GOLGA8B: variants seen among roughly 807,000 people sequenced by gnomAD.
GOLGA8B encodes golgin subfamily A member 8B.
GOLGA8B carries 1 observed loss-of-function variant against 15.6 expected under a neutral mutation model. The ratio of observed to expected loss-of-function variants is 0.06; its 90% confidence interval spans 0.02 to 0.30. GOLGA8B has a LOEUF of 0.30. GOLGA8B is among the 10% of genes least tolerant of loss of function. GOLGA8B has a pLI of 1.00. For missense variants in GOLGA8B, 17 were observed against 201.3 expected, an observed-to-expected ratio of 0.08 and a Z score of 5.54; for synonymous variants, 9 against 80.3, an observed-to-expected ratio of 0.11 and a Z score of 4.75.
At chr15:34,573,259 C>T (rs1265666316) in intron 1 of GOLGA8B, among the ~76,000 whole-genome samples, 2 of 152,074 alleles carry the variant, frequency 1.3e-5, no homozygotes, top group African/African-American at 4.8e-5. Context: ...AGAAGTTAGG[C>T]CGGGCATGGT....
chr15:34,574,326 GAGA>G (rs1889009383), intron 1 of GOLGA8B, among the ~76,000 whole-genome samples: 1 of 148,986 alleles, frequency 6.7e-6, no homozygotes. Context: ...TTTTGAGAGA[GAGA>G]AGTTCTCGCT....
At chr15:34,542,848 ATCTG>A (rs1292729165) in intron 7 of GOLGA8B, among the ~76,000 whole-genome samples, 4 of 132,338 alleles carry the variant, frequency 3.0e-5, no homozygotes, top group Admixed American at 7.6e-5. Flanking sequence ...TATTAGTTCC[ATCTG>A]TCTAACTGGT....
At position 34,567,918 on chromosome 15, in the gene GOLGA8B, A is replaced by G. The variant is rs1888808663; in HGVS notation, c.-1122-13962T>C. 1.3e-5 allele frequency among the ~76,000 whole-genome samples: 2 copies of G among 151,798 alleles called. 1 individual carries two copies. Among genetic ancestry groups the G allele is most frequent in the South Asian group, 4.1e-4 (2 of 4,824 alleles). Reference sequence around the variant, plus strand: ...ATGAAAAGCCACTTACCCCTTTTTCATCACTTGCAATACAAATTTCAGAAC... The same window carrying G: ...ATGAAAAGCCACTTACCCCTTTTTCGTCACTTGCAATACAAATTTCAGAAC... On this transcript the variant is annotated intron_variant, in intron 1 of 23. Transcript: ENST00000683415.
chr15:34,564,123 G>A (rs1311523390), intron 1 of GOLGA8B, among the ~76,000 whole-genome samples: 1 of 143,428 alleles, frequency 7.0e-6, no homozygotes, highest in Non-Finnish European at 1.6e-5. Flanking sequence ...ATGATGGGAG[G>A]TGCTATTGGC....
intron 1 of GOLGA8B, among the ~76,000 whole-genome samples, 198 bp downstream of exon 1, chr15:34,583,318 G>C (rs1427268541): frequency 6.6e-6 from 1 of 152,090 alleles, no homozygotes; most frequent in Non-Finnish European, 1.5e-5. Flanking sequence ...GGTCCGAGAG[G>C]CGTAGGCCAG....
chr15:34,546,885 C>T (rs1888303377), intron 5 of GOLGA8B, 50 bp downstream of exon 5: 2 of 85,928 alleles, frequency 2.3e-5, no homozygotes, highest in African/African-American at 5.7e-5. Flanking sequence ...TTCGTTACCC[C>T]GTATGAATCC....
At chr15:34,572,291 G>T (rs1888937687) in intron 1 of GOLGA8B, among the ~76,000 whole-genome samples, 1 of 152,200 alleles carries the variant, frequency 6.6e-6, no homozygotes, top group South Asian at 2.1e-4. Flanking sequence ...AAACCATTCA[G>T]CCCCGCAAGT....
At chr15:34,577,541 C>G (rs1233471156) in intron 1 of GOLGA8B, among the ~76,000 whole-genome samples, 1 of 138,494 alleles carries the variant, frequency 7.2e-6, no homozygotes, top group East Asian at 2.2e-4. Context: ...CACACACACA[C>G]ACACACACAC....
In GOLGA8B at chr15:34,525,967, A is replaced by T. The variant is rs1253578388; in HGVS notation, c.*1665T>A. ...CTAATAATGTGATGTGTTTTGGAAC[A>T]CAGACATTAGAACTTCATGAAGTTT... On this transcript the variant is annotated 3_prime_UTR_variant, in exon 24 of 24. Transcript: ENST00000683415. 3 of 149,336 alleles carry T rather than the reference A, an allele frequency of 2.0e-5. No individual in the cohort carries two copies. Among genetic ancestry groups the T allele is most frequent in the African/African-American group, 7.4e-5 (3 of 40,354 alleles). The allele number at this position is 149,336 out of a possible 1,614,324, so 9.3% of individuals were successfully genotyped here. A position where few individuals can be genotyped will look rare whatever the true frequency, so the allele number is the denominator to read the frequency against.
chr15:34,526,357 T>A lies in GOLGA8B; in HGVS notation c.*1275A>T, dbSNP rs1177983305. 1 of 149,620 alleles carries A rather than the reference T, an allele frequency of 6.7e-6. No individual in the cohort carries two copies. Among genetic ancestry groups the A allele is most frequent in the Admixed American group, 6.8e-5 (1 of 14,740 alleles). The allele number at this position is 149,620 out of a possible 1,614,324, so 9.3% of individuals were successfully genotyped here. ...AAGTACTCTCACATATATTAGTTTA[T>A]AATAATGTTTGTTATTATTTTCTAA... On this transcript the variant is annotated 3_prime_UTR_variant, in exon 24 of 24. Transcript: ENST00000683415.
In GOLGA8B at chr15:34,564,570, C is replaced by G. The variant is rs145633802; in HGVS notation, c.-1122-10614G>C. Among the ~76,000 whole-genome samples, 245 of 146,752 alleles carry G rather than the reference C, an allele frequency of 1.7e-3. 1 individual carries two copies. The East Asian group carries it at 0.039, about 24-fold the overall frequency. ...TCCTGGGTATAATTTTAGATGTTTT[C>G]AGGCTCTGAAGCTTTGCATTTAAAT... On this transcript the variant is annotated intron_variant, in intron 1 of 23. Transcript: ENST00000683415.
chr15:34,580,424 A>C (rs987817703), intron 1 of GOLGA8B, among the ~76,000 whole-genome samples: 6 of 152,176 alleles, frequency 3.9e-5, no homozygotes, highest in Non-Finnish European at 7.3e-5. Flanking sequence ...CAACCTGGGA[A>C]ACCTCACAGC....
chr15:34,554,422 CCA>C (rs1334485715), intron 1 of GOLGA8B, among the ~76,000 whole-genome samples: 12 of 147,190 alleles, frequency 8.2e-5, no homozygotes, highest in Non-Finnish European at 1.5e-4. Context: ...CCCATACACA[CCA>C]CACACCAACC....
rs187280965 is a variant in GOLGA8B at position 34,567,697 on chromosome 15, G to A, written c.-1122-13741C>T. ...AAGAGCCATTCCTCAGTGATACCCA[G>A]GAAATGACGCACACGGGCAGATATT... On this transcript the variant is annotated intron_variant, in intron 1 of 23. Coordinates refer to ENST00000683415, the MANE Select transcript of GOLGA8B (RefSeq NM_001023567.5). 2.3e-4 allele frequency among the ~76,000 whole-genome samples: 35 copies of A among 151,956 alleles called. No homozygotes were observed. In the East Asian group the frequency reaches 6.4e-3, roughly 28 times the overall value.
chr15:34,562,490 T>C (rs1231375217), intron 1 of GOLGA8B, among the ~76,000 whole-genome samples: 1 of 106,664 alleles, frequency 9.4e-6, no homozygotes, highest in Non-Finnish European at 2.2e-5. Flanking sequence ...TCCTTATTCA[T>C]ATTTTATGTT....
intron 1 of GOLGA8B, among the ~76,000 whole-genome samples, chr15:34,567,827 G>C (rs1194789790): frequency 7.9e-5 from 12 of 151,792 alleles, no homozygotes; most frequent in Admixed American, 2.0e-4. Context: ...CATGGGTTGA[G>C]GCACTGGACT....
chr15:34,527,767 G>T lies in GOLGA8B; in HGVS notation c.1677C>A (p.Ser559=), dbSNP rs771620128. ...PAQGEAREGS[S]QDNPTAQPVL... ...CTGGCTGTGCAGTAGGGTTGTCCTG[G>T]GAAGAACCCTCCCTGGCTTCTCCTT... The change falls in exon 24 of 24, where the codon TCC becomes TCA. Residue 559 remains serine (S), a synonymous_variant. Transcript: ENST00000683415. The T allele has an allele frequency of 5.8e-6, 8 of 1,372,848 alleles. No individual in the cohort carries two copies. Among genetic ancestry groups the T allele is most frequent in the Non-Finnish European group, 7.9e-6 (8 of 1,015,340 alleles). 85.0% of individuals were successfully genotyped at this position (1,372,848 alleles called of 1,614,324 possible). A position where few individuals can be genotyped will look rare whatever the true frequency, so the allele number is the denominator to read the frequency against.
rs1416347626 is a variant in GOLGA8B at position 34,570,403 on chromosome 15, A to G, written c.-1123+13113T>C. Reference sequence around the variant, plus strand: ...CTCCAGCTTGCCCAGCCACACAGGGAAAAAAACTCACTTAAACTGTCCACC... The same window carrying G: ...CTCCAGCTTGCCCAGCCACACAGGGGAAAAAACTCACTTAAACTGTCCACC... On this transcript the variant is annotated intron_variant, in intron 1 of 23. Coordinates refer to ENST00000683415, the MANE Select transcript of GOLGA8B (RefSeq NM_001023567.5). Among the ~76,000 whole-genome samples the G allele has an allele frequency of 4.4e-5, 6 of 136,758 alleles. 1 individual carries two copies. The South Asian group carries it at 1.5e-3, about 34-fold the overall frequency. The allele number at this position is 136,758 out of a possible 152,430, so 89.7% of individuals were successfully genotyped here.
At chr15:34,576,786 A>C (rs1177056976) in intron 1 of GOLGA8B, among the ~76,000 whole-genome samples, 1 of 152,180 alleles carries the variant, frequency 6.6e-6, no homozygotes, top group Non-Finnish European at 1.5e-5. Context: ...CACTCAGCTG[A>C]CAGCTTTCAC....
Sources: gnomAD v4.1 joint callset for allele counts (sites outside exome capture counted in the v4.1 genomes callset) on GRCh38, gnomAD v4.1.1 for gene constraint, MANE v1.5 for transcripts, NCBI Gene and HGNC (gene_info 2026-07-23, HGNC 2026-07-21) for gene names.